The following LRGUK variants were observed in gnomAD, a reference collection of about 807,000 sequenced individuals.
The protein encoded by LRGUK is leucine-rich repeat and guanylate kinase domain-containing protein.
In LRGUK, 65 loss-of-function variants were observed where a neutral mutation model predicts 76.0. The ratio of observed to expected loss-of-function variants is 0.85; its 90% CI spans 0.70 to 1.05. The LOEUF (loss-of-function observed/expected upper bound fraction) is 1.05. Ranked by LOEUF, LRGUK falls within the 50% of genes least tolerant of loss-of-function variation. LRGUK has a pLI of 0.00. For missense variants in LRGUK, 758 were observed against 732.8 expected (o/e 1.03, Z -0.40); for synonymous variants, 268 against 265.6 (o/e 1.01, Z -0.09).
At chr7:134,143,106 G>T in exon 4 of LRGUK, 1 of 1,611,022 alleles carries the variant, frequency 6.2e-7, no homozygotes, top group South Asian at 1.1e-5. Flanking sequence ...AGAACTTAAT[G>T]CTTCTCAAAA....
At chr7:134,212,046 G>A (rs775758806), downstream of LRGUK, among the ~76,000 whole-genome samples, 1 of 152,108 alleles carries the variant, frequency 6.6e-6, no homozygotes, top group Non-Finnish European at 1.5e-5. Context: ...GCACATGGTG[G>A]GAAACATGGT....
intron 16 of LRGUK, among the ~76,000 whole-genome samples, chr7:134,227,688 A>G (rs1433773458): frequency 1.3e-5 from 2 of 152,188 alleles, no homozygotes; most frequent in Non-Finnish European, 1.5e-5. Flanking sequence ...ACAAAAATGT[A>G]AATTTCAGCA....
intron 12 of LRGUK, among the ~76,000 whole-genome samples, chr7:134,193,130 A>G (rs534150772): frequency 2.0e-5 from 3 of 152,186 alleles, no homozygotes; most frequent in East Asian, 3.9e-4. Context: ...AGAAAATCCT[A>G]TGATCCCTAG....
intron 6 of LRGUK, among the ~76,000 whole-genome samples, chr7:134,158,874 C>T (rs988427503): frequency 1.3e-5 from 2 of 152,090 alleles, no homozygotes; most frequent in Admixed American, 1.3e-4. Flanking sequence ...GTGAAATATC[C>T]AGGATTCTTT....
At chr7:134,138,790 C>T (rs1364944761) in intron 2 of LRGUK, among the ~76,000 whole-genome samples, 1 of 152,104 alleles carries the variant, frequency 6.6e-6, no homozygotes, top group Non-Finnish European at 1.5e-5. Flanking sequence ...ATCAAGATAT[C>T]CTGGAAAGAA....
intron 16 of LRGUK, among the ~76,000 whole-genome samples, chr7:134,231,425 T>C (rs1801886850): frequency 7.3e-6 from 1 of 137,274 alleles, no homozygotes; most frequent in African/African-American, 3.2e-5. Context: ...TTTTCCTTCC[T>C]CCCTTCCTTT....
At chr7:134,243,439 C>T (rs1802214469) in intron 16 of LRGUK, among the ~76,000 whole-genome samples, 1 of 152,142 alleles carries the variant, frequency 6.6e-6, no homozygotes, top group East Asian at 1.9e-4. Flanking sequence ...AATGAGTGAA[C>T]TCCCATTCGC....
intron 3 of LRGUK, among the ~76,000 whole-genome samples, chr7:134,140,239 G>C (rs1797714753): frequency 6.6e-6 from 1 of 152,068 alleles, no homozygotes; most frequent in Admixed American, 6.6e-5. Flanking sequence ...CAAAGTGCTG[G>C]GATTACAGGT....
downstream of LRGUK, among the ~76,000 whole-genome samples, chr7:134,210,506 C>T (rs577334230): frequency 6.6e-6 from 1 of 152,144 alleles, no homozygotes; most frequent in African/African-American, 2.4e-5. Flanking sequence ...AGGGTTATCT[C>T]AAGAAAATAA....
intron 11 of LRGUK, among the ~76,000 whole-genome samples, chr7:134,190,598 G>A (rs115559745): frequency 0.02 from 3,061 of 152,344 alleles, 82 homozygotes; most frequent in African/African-American, 0.064. Context: ...ATGAACTCAA[G>A]AGTCCTGGTG....
chr7:134,265,002 C>G (rs537180629), downstream of LRGUK, among the ~76,000 whole-genome samples: 2 of 152,262 alleles, frequency 1.3e-5, no homozygotes, highest in South Asian at 4.2e-4. Context: ...CTCTTGTCCT[C>G]CCCCAGTCCT....
intron 5 of LRGUK, among the ~76,000 whole-genome samples, chr7:134,156,592 G>A (rs546730183): frequency 5.3e-5 from 8 of 152,300 alleles, no homozygotes; most frequent in Admixed American, 4.6e-4. Context: ...TGACCTGGCA[G>A]AAATAGGGAA....
intron 18 of LRGUK, among the ~76,000 whole-genome samples, chr7:134,256,776 C>T (rs1351105798): frequency 6.6e-6 from 1 of 152,150 alleles, no homozygotes; most frequent in South Asian, 2.1e-4. Context: ...AATATATCAT[C>T]TTATAGCATT....
chr7:134,197,235 T>C (rs1365079162), intron 13 of LRGUK, 130 bp downstream of exon 13: 1 of 575,304 alleles, frequency 1.7e-6, no homozygotes, highest in Non-Finnish European at 3.1e-6. Flanking sequence ...ATATATGGGG[T>C]ACATGCGTTA....
chr7:134,188,238 G>A (rs1800055299), intron 11 of LRGUK, among the ~76,000 whole-genome samples: 1 of 152,142 alleles, frequency 6.6e-6, no homozygotes, highest in Admixed American at 6.6e-5. Context: ...GAGCCTCTGA[G>A]ATAGAAATAA....
intron 5 of LRGUK, among the ~76,000 whole-genome samples, chr7:134,152,366 G>A (rs538798719): frequency 5.3e-5 from 8 of 152,076 alleles, no homozygotes; most frequent in African/African-American, 1.4e-4. Flanking sequence ...TAAGGGTGTT[G>A]AAGACCTAAC....
chr7:134,164,226 A>T (rs1318207596), intron 7 of LRGUK, among the ~76,000 whole-genome samples: 1 of 152,244 alleles, frequency 6.6e-6, no homozygotes, highest in Non-Finnish European at 1.5e-5. Flanking sequence ...CAGTAAGTAC[A>T]TATAATTTTA....
At chr7:134,233,822 T>A (rs1801955903) in intron 16 of LRGUK, among the ~76,000 whole-genome samples, 1 of 152,208 alleles carries the variant, frequency 6.6e-6, no homozygotes, top group African/African-American at 2.4e-5. Flanking sequence ...ATCTTTGCCC[T>A]CTGCTCTTCG....
intron 16 of LRGUK, among the ~76,000 whole-genome samples, chr7:134,231,467 C>T (rs906481540): frequency 8.6e-5 from 13 of 151,114 alleles, no homozygotes; most frequent in Non-Finnish European, 1.5e-4. Context: ...TTTCTTCCTT[C>T]CTTCTTTGTT....
Sources: allele counts gnomAD v4.1 joint callset (sites outside exome capture counted in the v4.1 genomes callset), GRCh38; gene constraint gnomAD v4.1.1; transcripts MANE v1.5; gene names NCBI Gene and HGNC (gene_info 2026-07-23, HGNC 2026-07-21).